ALG12: variants seen among roughly 807,000 people sequenced by gnomAD.
The protein encoded by ALG12 is ALG12 alpha-1,6-mannosyltransferase, also known as dol-P-Man:Man(7)GlcNAc(2)-PP-Dol alpha-1,6-mannosyltransferase.
In ALG12, 36 loss-of-function variants were observed where a neutral mutation model predicts 46.0. The ratio of observed to expected loss-of-function variants is 0.78; its 90% CI spans 0.60 to 1.03. The LOEUF (loss-of-function observed/expected upper bound fraction) is 1.03. ALG12 is among the 50% of genes least tolerant of loss of function. The pLI, the probability that ALG12 is intolerant of heterozygous loss-of-function variation, is 0.00. For synonymous variants in ALG12, 326 were observed against 291.6 expected (o/e 1.12, Z -1.20); for missense variants, 599 against 633.5 (o/e 0.95, Z 0.58).
the ALG12 span, among the ~76,000 whole-genome samples, chr22:49,893,763 T>C: frequency 4.4e-3 from 672 of 152,220 alleles, 8 homozygotes; most frequent in African/African-American, 0.016. Flanking sequence ...AACTATCTCT[T>C]AGAGTTCAAA....
the ALG12 span, among the ~76,000 whole-genome samples, chr22:49,861,802 T>G: frequency 6.6e-6 from 1 of 152,216 alleles, no homozygotes; most frequent in South Asian, 2.1e-4. Flanking sequence ...CGGGCTCTGA[T>G]CCTTTGCCGT....
downstream of ALG12, among the ~76,000 whole-genome samples, chr22:49,897,474 C>T (rs114176636): frequency 8.6e-3 from 1,315 of 152,244 alleles, 21 homozygotes; most frequent in African/African-American, 0.031. Flanking sequence ...GCTCCACATC[C>T]GCACCAGCAC....
rs975407588 is a variant in ALG12, at chr22:49,901,476, G to C, written c.*2362C>G. The C allele has an allele frequency of 1.6e-4, 25 of 152,344 alleles. No individual in the cohort carries two copies. Among genetic ancestry groups the C allele is most frequent in the African/African-American group, 5.6e-4 (23 of 41,432 alleles). 9.4% of individuals were successfully genotyped at this position (152,344 alleles called of 1,614,324 possible). On this transcript the variant is annotated 3_prime_UTR_variant, in exon 10 of 10. Transcript: ENST00000330817. ...GTGTGCATGTGTGGTATGTATGCATGGTGTGTGCACGTGTGCATTGTGTGC... is the reference window on the plus strand; with the variant it reads ...GTGTGCATGTGTGGTATGTATGCATCGTGTGTGCACGTGTGCATTGTGTGC...
chr22:49,910,136 G>A (rs768567481), intron 4 of ALG12, 48 bp from the exon 5 acceptor site: 15 of 1,546,696 alleles, frequency 9.7e-6, no homozygotes, highest in East Asian at 2.4e-5. Flanking sequence ...GGGCCCACCC[G>A]GCCCAGAAAA....
chr22:49,878,040 C>T, the ALG12 span, among the ~76,000 whole-genome samples: 3 of 152,130 alleles, frequency 2.0e-5, no homozygotes, highest in Admixed American at 6.5e-5. Context: ...CGTGGTGGCT[C>T]ATGCCTGTAA....
chr22:49,884,586 C>T, the ALG12 span: 5 of 1,612,460 alleles, frequency 3.1e-6, no homozygotes, highest in African/African-American at 4.0e-5. Context: ...TCTGCATTCA[C>T]TGCATGAACG....
chr22:49,906,291 C>T lies in ALG12; in HGVS notation c.992+1430G>A, dbSNP rs1285732138. 6.6e-6 allele frequency among the ~76,000 whole-genome samples: 1 copy of T among 152,214 alleles called. No homozygotes were observed. Among genetic ancestry groups the T allele is most frequent in the Non-Finnish European group, 1.5e-5 (1 of 68,032 alleles). On this transcript the variant is annotated intron_variant, in intron 7 of 9. Transcript: ENST00000330817. The surrounding 1 kb of genome is among the most constrained non-coding windows in gnomAD (Gnocchi z 4.4). ...CGCGCCGCTCTCCCCGTCTTTCCTA[C>T]CCTCTTTTCCATGACTCTGGCTGGG...
intron 3 of ALG12, among the ~76,000 whole-genome samples, chr22:49,911,141 A>T (rs572537334): frequency 6.6e-6 from 1 of 152,344 alleles, no homozygotes; most frequent in South Asian, 2.1e-4. Context: ...TACCCAGCCG[A>T]CCACACATCC....
chr22:49,909,940 T>C lies in ALG12; in HGVS notation c.618A>G (p.Val206=). The change falls in exon 5 of 10, where the codon GTA becomes GTG. Residue 206 remains valine, a synonymous_variant. Transcript: ENST00000330817. ...GGACGGCGTGGCGAAGGGCTCTGACTACAGAAACCTTTCGGTTGCCCAAGG... is the reference window on the plus strand; with the variant it reads ...GGACGGCGTGGCGAAGGGCTCTGACCACAGAAACCTTTCGGTTGCCCAAGG... The part of the protein sequence containing the change: ...LLALGNRKVS[V]VRALRHAVPA... 2 of 1,614,108 alleles carry C rather than the reference T, an allele frequency of 1.2e-6. No homozygotes were observed. Among genetic ancestry groups the C allele is most frequent in the Non-Finnish European group, 1.7e-6 (2 of 1,180,004 alleles).
chr22:49,886,830 A>G, the ALG12 span: 1 of 1,613,724 alleles, frequency 6.2e-7, no homozygotes, highest in African/African-American at 1.3e-5. This position sits in a 1 kb window ranked among gnomAD's most constrained non-coding sequence, Gnocchi z 7.7. Context: ...CCCCGTCGAA[A>G]GACTCTGCCG....
chr22:49,917,438 A>C (rs1412222667), intron 1 of ALG12, among the ~76,000 whole-genome samples: 3 of 152,252 alleles, frequency 2.0e-5, no homozygotes, highest in African/African-American at 7.2e-5. Context: ...TGGGAGGCTG[A>C]GGCAGGCAGA....
rs2060591785 is a variant in ALG12, at chr22:49,913,476, G to C, written c.204C>G (p.Phe68Leu). 1.2e-6 allele frequency: 2 copies of C among 1,613,998 alleles called. No homozygotes were observed. Among genetic ancestry groups the C allele is most frequent in the Non-Finnish European group, 8.5e-7 (1 of 1,180,040 alleles). Residue 68 changes from phenylalanine to leucine, a missense_variant, in exon 3 of 10, where the codon TTC becomes TTG. Transcript: ENST00000330817. ...ACACTGCGATCACCACTGGCCCGAG[G>C]AACGTCCTGGGGACGACTCCGGGGA... ...LEFPGVVPRTFLGPVVIAVFS... is the reference protein window; with the variant it reads ...LEFPGVVPRTLLGPVVIAVFS...
chr22:49,868,214 G>C, the ALG12 span, among the ~76,000 whole-genome samples: 1 of 152,206 alleles, frequency 6.6e-6, no homozygotes, highest in African/African-American at 2.4e-5. Flanking sequence ...TGGTTTTACT[G>C]TTCTAGTTTT....
chr22:49,860,454 C>T, the ALG12 span, among the ~76,000 whole-genome samples: 1 of 152,206 alleles, frequency 6.6e-6, no homozygotes, highest in East Asian at 1.9e-4. Context: ...ATTACAATAC[C>T]ACTCCTGTAA....
At chr22:49,882,350 G>A in the ALG12 span, among the ~76,000 whole-genome samples, 1 of 152,194 alleles carries the variant, frequency 6.6e-6, no homozygotes, top group Non-Finnish European at 1.5e-5. Flanking sequence ...CTGGGAAGTC[G>A]AGGCTTCACT....
At chr22:49,887,682 T>TA in the ALG12 span, 1 of 169,514 alleles carries the variant, frequency 5.9e-6, no homozygotes, top group Non-Finnish European at 1.4e-5. Context: ...TAACCGCAGG[T>TA]TCTAAAGTGT....
Position 49,904,004 on chromosome 22 carries a change from A to C in ALG12, c.1301T>G (p.Met434Arg), listed in dbSNP as rs1431529574. 1 of 1,614,166 alleles carries C rather than the reference A, an allele frequency of 6.2e-7. No individual in the cohort carries two copies. The highest frequency in any genetic ancestry group is 1.7e-5 in the Admixed American group (1 of 60,024). The change falls in exon 10 of 10, where the codon ATG (methionine) becomes AGG (arginine). Residue 434 changes from methionine (M) to arginine (R), a missense_variant. Transcript: ENST00000330817. ...GGCCAGGAGCCCAGGGGCCGCCTCCATGAGGATGTGTGTGTATGCCAGCAT... is the reference window on the plus strand; with the variant it reads ...GGCCAGGAGCCCAGGGGCCGCCTCCCTGAGGATGTGTGTGTATGCCAGCAT... ...TGMLAYTHILMEAAPGLLALY... is the reference protein window; with the variant it reads ...TGMLAYTHILREAAPGLLALY...
chr22:49,898,190 A>G (rs1365930714), downstream of ALG12, among the ~76,000 whole-genome samples: 1 of 151,598 alleles, frequency 6.6e-6, no homozygotes, highest in Non-Finnish European at 1.5e-5. Context: ...TGTTTTTTGT[A>G]GGGACGGAGT....
chr22:49,903,317 C>T lies in ALG12; in HGVS notation c.*521G>A. 2.2e-6 allele frequency: 1 copy of T among 456,914 alleles called. No individual in the cohort carries two copies. Among genetic ancestry groups the T allele is most frequent in the Non-Finnish European group, 4.4e-6 (1 of 227,588 alleles). The allele number at this position is 456,914 out of a possible 1,614,324, so 28.3% of individuals were successfully genotyped here. A position where few individuals can be genotyped will look rare whatever the true frequency, so the allele number is the denominator to read the frequency against. ...TTTTATCTGTGATGGAGATGGGATG[C>T]CTGTGAATACAAAAGTTGCAGTGGT... On this transcript the variant is annotated 3_prime_UTR_variant, in exon 10 of 10. Coordinates refer to ENST00000330817, the MANE Select transcript of ALG12 (RefSeq NM_024105.4).
Sources: gnomAD v4.1 joint callset for allele counts (sites outside exome capture counted in the v4.1 genomes callset) on GRCh38, gnomAD v4.1.1 for gene constraint, Gnocchi (gnomAD v3.1) non-coding constraint, MANE v1.5 for transcripts, NCBI Gene and HGNC (gene_info 2026-07-23, HGNC 2026-07-21) for gene names.